CDK19: variants seen among roughly 807,000 people sequenced by gnomAD.
The protein encoded by CDK19 is cyclin-dependent kinase 19.
A neutral mutation model predicts 68.3 loss-of-function variants in CDK19; 20 were observed. That is an observed-to-expected ratio of 0.29 (90% CI 0.21 to 0.43). The LOEUF (loss-of-function observed/expected upper bound fraction) is 0.43, where lower values mean the gene tolerates loss of function less well. Among genes scored for constraint, CDK19 ranks in the 20% least tolerant of loss-of-function variants. The pLI, the probability that CDK19 is intolerant of heterozygous loss-of-function variation, is 1.00. For synonymous variants in CDK19, 221 were observed against 222.8 expected, an observed-to-expected ratio of 0.99 and a Z score of 0.07; for missense variants, 339 against 623.5, an observed-to-expected ratio of 0.54 and a Z score of 4.86.
chr6:110,614,486 G>T lies in CDK19; in HGVS notation c.*49C>A. On this transcript the variant is annotated 3_prime_UTR_variant, in exon 13 of 13. Coordinates refer to ENST00000368911, the MANE Select transcript of CDK19 (RefSeq NM_015076.5). ...TGGTTCTTTTCAATGCAGACATATT[G>T]CTGGAGCCTGTGCTCTGGGCTGGGC... 6.3e-7 allele frequency: 1 copy of T among 1,588,134 alleles called. No homozygotes were observed. Among genetic ancestry groups the T allele is most frequent in the Non-Finnish European group, 8.6e-7 (1 of 1,164,484 alleles).
intron 2 of CDK19, among the ~76,000 whole-genome samples, chr6:110,671,055 C>G (rs1362535289): frequency 6.6e-6 from 1 of 151,848 alleles, no homozygotes; most frequent in Non-Finnish European, 1.5e-5. Context: ...CTTATCCATC[C>G]CTAGAGTATG....
chr6:110,800,796 T>C (rs1427435403), intron 1 of CDK19, among the ~76,000 whole-genome samples: 1 of 152,096 alleles, frequency 6.6e-6, no homozygotes, highest in Non-Finnish European at 1.5e-5. Flanking sequence ...TGAAGGAACA[T>C]AGCTCAAAAT....
chr6:110,788,794 T>C (rs1781409266), intron 1 of CDK19, among the ~76,000 whole-genome samples: 1 of 152,304 alleles, frequency 6.6e-6, no homozygotes, highest in African/African-American at 2.4e-5. Flanking sequence ...CTTGAAATGG[T>C]GAGCAACTGC....
intron 4 of CDK19, among the ~76,000 whole-genome samples, chr6:110,655,598 A>T (rs1781262675): frequency 6.6e-6 from 1 of 152,104 alleles, no homozygotes; most frequent in Non-Finnish European, 1.5e-5. Context: ...CAGAAGTCTG[A>T]ACTTGCATTG....
chr6:110,784,507 AACTGAAACCCTCAT>A (rs1186939910), intron 1 of CDK19, among the ~76,000 whole-genome samples: 1 of 152,218 alleles, frequency 6.6e-6, no homozygotes, highest in East Asian at 1.9e-4. Context: ...GGATGTAGAG[AACTGAAACCCTCAT>A]ACATTTCAGG....
In CDK19 at chr6:110,815,260, G is replaced by A; in HGVS notation, c.-124C>T. ...CGCCTCTCGCGCGCGCGCGCGCGCC[G>A]CCCGCCGCCCGCCGCTCCGCGGTCC... On this transcript the variant is annotated 5_prime_UTR_variant, in exon 1 of 13. Transcript: ENST00000368911. The A allele has an allele frequency of 9.8e-7, 1 of 1,022,930 alleles. No individual in the cohort carries two copies. The highest frequency in any genetic ancestry group is 1.3e-6 in the Non-Finnish European group (1 of 781,708). The allele number at this position is 1,022,930 out of a possible 1,614,324, so 63.4% of individuals were successfully genotyped here.
chr6:110,709,741 T>C (rs528984637), intron 2 of CDK19, among the ~76,000 whole-genome samples: 1 of 152,188 alleles, frequency 6.6e-6, no homozygotes, highest in Non-Finnish European at 1.5e-5. Flanking sequence ...GACTAAAAAA[T>C]AGAAATTCTA....
At chr6:110,708,307 A>G (rs1436008716) in intron 2 of CDK19, among the ~76,000 whole-genome samples, 1 of 152,132 alleles carries the variant, frequency 6.6e-6, no homozygotes, top group Admixed American at 6.5e-5. Flanking sequence ...CTCCCACTTC[A>G]GCCTGATATT....
chr6:110,805,039 T>G (rs747538909), intron 1 of CDK19, among the ~76,000 whole-genome samples: 1 of 152,120 alleles, frequency 6.6e-6, no homozygotes, highest in Non-Finnish European at 1.5e-5. Context: ...GGATAAGAAC[T>G]CAAACCCTCA....
At chr6:110,755,722 T>C (rs1270389833) in intron 1 of CDK19, among the ~76,000 whole-genome samples, 1 of 152,186 alleles carries the variant, frequency 6.6e-6, no homozygotes, top group Non-Finnish European at 1.5e-5. Flanking sequence ...TTTTGTATGG[T>C]ATGCTGAAAA....
intron 2 of CDK19, among the ~76,000 whole-genome samples, chr6:110,731,485 T>C (rs1776755217): frequency 6.6e-6 from 1 of 152,142 alleles, no homozygotes; most frequent in Non-Finnish European, 1.5e-5. Context: ...CAGAGTTTCT[T>C]TGTGGGATGA....
In CDK19 at chr6:110,610,999, A is replaced by C. The variant is rs1278473682; in HGVS notation, c.*3536T>G. ...AAGAGTCCATTATGTTCGTAAGAGC[A>C]AAAGAGTAGTGCAGAAGGCCAAAAT... On this transcript the variant is annotated 3_prime_UTR_variant, in exon 13 of 13. Transcript: ENST00000368911. The C allele has an allele frequency of 6.6e-6, 1 of 152,250 alleles. No homozygotes were observed. The highest frequency in any genetic ancestry group is 1.5e-5 in the Non-Finnish European group (1 of 68,056). The allele number at this position is 152,250 out of a possible 1,614,324, so 9.4% of individuals were successfully genotyped here.
At chr6:110,667,326 C>T (rs1782006184) in intron 4 of CDK19, 108 bp downstream of exon 4, 1 of 708,372 alleles carries the variant, frequency 1.4e-6, no homozygotes, top group Non-Finnish European at 2.2e-6. Context: ...TGTATATTTT[C>T]AAGTTTTTCT....
At chr6:110,645,359 T>G (rs953365886) in intron 4 of CDK19, among the ~76,000 whole-genome samples, 1 of 152,158 alleles carries the variant, frequency 6.6e-6, no homozygotes, top group African/African-American at 2.4e-5. Context: ...ATATTCAGAA[T>G]TGAAATAATG....
At chr6:110,709,388 G>A (rs1279109447) in intron 2 of CDK19, among the ~76,000 whole-genome samples, 13 of 151,914 alleles carry the variant, frequency 8.6e-5, no homozygotes, top group Admixed American at 7.9e-4. Context: ...GATGGCATTA[G>A]GAGAAATACC....
At chr6:110,655,290 C>CA (rs1781236812) in intron 4 of CDK19, among the ~76,000 whole-genome samples, 1 of 151,566 alleles carries the variant, frequency 6.6e-6, no homozygotes, top group African/African-American at 2.4e-5. Flanking sequence ...TGCTTGAACC[C>CA]AGGAGGCAGA....
chr6:110,633,841 T>C (rs1779594920), intron 5 of CDK19, among the ~76,000 whole-genome samples: 1 of 152,348 alleles, frequency 6.6e-6, no homozygotes, highest in African/African-American at 2.4e-5. Context: ...GTTAAATGAC[T>C]TGCCTGTGGT....
chr6:110,642,308 CAA>C (rs56320713), intron 4 of CDK19, among the ~76,000 whole-genome samples: 5,450 of 96,408 alleles, frequency 0.057, 321 homozygotes, highest in African/African-American at 0.18. Context: ...GACTCTGTTT[CAA>C]AAAAAAAAAA....
intron 12 of CDK19, among the ~76,000 whole-genome samples, chr6:110,617,856 CAAAAAAAAAAAAAAAA>C (rs58620857): frequency 1.2e-4 from 2 of 17,364 alleles, no homozygotes; most frequent in Non-Finnish European, 4.7e-4. Flanking sequence ...GACTCTGTCT[CAAAAAAAAAAAAAAAA>C]AAAAAAAAAA....
Sources: allele counts gnomAD v4.1 joint callset (sites outside exome capture counted in the v4.1 genomes callset), GRCh38; gene constraint gnomAD v4.1.1; transcripts MANE v1.5; gene names NCBI Gene and HGNC (gene_info 2026-07-23, HGNC 2026-07-21).